SEL1L: variants seen among roughly 807,000 people sequenced by gnomAD.
SEL1L encodes the protein SEL1L adaptor subunit of SYVN1 ubiquitin ligase.
SEL1L carries 52 observed loss-of-function variants against 109.8 expected under a neutral mutation model. The ratio of observed to expected loss-of-function variants is 0.47; its 90% CI spans 0.38 to 0.60. SEL1L has a LOEUF of 0.60. Ranked by LOEUF, SEL1L falls within the 20% of genes least tolerant of loss-of-function variation. SEL1L has a pLI of 0.00. For synonymous variants in SEL1L, 373 were observed against 339.6 expected (o/e 1.10, Z -1.08); for missense variants, 749 against 962.2 (o/e 0.78, Z 2.93).
intron 3 of SEL1L, among the ~76,000 whole-genome samples, chr14:81,510,817 T>G (rs1047929299): frequency 3.9e-5 from 6 of 152,204 alleles, no homozygotes; most frequent in African/African-American, 1.2e-4. Flanking sequence ...AAACAATTAT[T>G]TAATGTTAAA....
intron 14 of SEL1L, chr14:81,488,971 G>A (rs11846666): frequency 0.032 from 13,558 of 423,964 alleles, 1,406 homozygotes; most frequent in African/African-American, 0.24. Flanking sequence ...AGTCCTGAGA[G>A]ATGGTTAGAG....
chr14:81,529,644 A>T (rs1376591496), intron 1 of SEL1L, among the ~76,000 whole-genome samples: 1 of 152,242 alleles, frequency 6.6e-6, no homozygotes, highest in African/African-American at 2.4e-5. Flanking sequence ...TGTGAATTGC[A>T]TCATGCTTCT....
At chr14:81,495,004 G>T in intron 11 of SEL1L, 77 bp downstream of exon 11, 1 of 1,411,490 alleles carries the variant, frequency 7.1e-7, no homozygotes, top group Non-Finnish European at 9.9e-7. Context: ...TACTGGTATT[G>T]ACTTAGCAAG....
intron 1 of SEL1L, among the ~76,000 whole-genome samples, chr14:81,532,213 AG>A (rs1885355120): frequency 6.6e-6 from 1 of 152,244 alleles, no homozygotes; most frequent in Non-Finnish European, 1.5e-5. Context: ...TTAAATTCAG[AG>A]GGATACACAC....
At chr14:81,527,018 C>T (rs1282951881) in intron 2 of SEL1L, 54 bp from the exon 3 acceptor site, 12 of 1,304,936 alleles carry the variant, frequency 9.2e-6, no homozygotes, top group Non-Finnish European at 9.9e-6. Context: ...TTCCCCAACC[C>T]TATTTGACCG....
intron 16 of SEL1L, 107 bp from the exon 17 acceptor site, chr14:81,486,561 A>G (rs993764736): frequency 2.8e-5 from 29 of 1,019,840 alleles, no homozygotes; most frequent in Non-Finnish European, 4.1e-5. Flanking sequence ...TTGCTCCTTC[A>G]ATTTCTGGCA....
At chr14:81,485,194 G>C (rs898393201) in intron 18 of SEL1L, among the ~76,000 whole-genome samples, 1 of 152,144 alleles carries the variant, frequency 6.6e-6, no homozygotes, top group Non-Finnish European at 1.5e-5. Context: ...ACCCAATTTA[G>C]AAACTCTGGC....
intron 6 of SEL1L, among the ~76,000 whole-genome samples, chr14:81,500,063 C>T (rs1883938985): frequency 6.6e-6 from 1 of 151,828 alleles, no homozygotes; most frequent in African/African-American, 2.4e-5. Flanking sequence ...GCGTATGCCA[C>T]CACGCCCAGC....
chr14:81,514,751 C>T lies in SEL1L; in HGVS notation c.341-8510G>A, dbSNP rs1484311629. 2.6e-5 allele frequency among the ~76,000 whole-genome samples: 4 copies of T among 152,130 alleles called. No individual in the cohort carries two copies. In the South Asian group the frequency reaches 8.3e-4, roughly 31 times the overall value. On this transcript the variant is annotated intron_variant, in intron 3 of 20. Coordinates refer to ENST00000336735, the MANE Select transcript of SEL1L (RefSeq NM_005065.6). ...CAGATGGGAAACAGGCATCAATAGG[C>T]TCACCCTTGAAATGCATCCTAAGCC... is the stretch of plus-strand genomic sequence containing the variant.
At chr14:81,514,571 A>G (rs1884622217) in intron 3 of SEL1L, among the ~76,000 whole-genome samples, 1 of 152,172 alleles carries the variant, frequency 6.6e-6, no homozygotes, top group East Asian at 1.9e-4. Context: ...ACTAAATCCA[A>G]TCTTCCTTGG....
Position 81,495,120 on chromosome 14 carries a change from C to T in SEL1L, c.1146G>A (p.Leu382=), listed in dbSNP as rs1412442649. Residue 382 remains leucine, a synonymous_variant, in exon 11 of 21, where the codon CTG becomes CTA. Transcript: ENST00000336735. The part of the protein sequence containing the change: ...DVQAQVGLGQ[L]HLHGGRGVEQ... ...CTACTCCACGCCCTCCGTGCAGGTG[C>T]AGTTGTCCAAGACCAACCTGAAAAT... 6.2e-7 allele frequency: 1 copy of T among 1,613,974 alleles called. No individual in the cohort carries two copies. The highest frequency in any genetic ancestry group is 1.3e-5 in the African/African-American group (1 of 74,922).
rs35474067 is a variant in SEL1L, at chr14:81,510,514, C to CTCTCTCTA, written c.341-4274_341-4273insTAGAGAGA. The stretch of plus-strand genomic sequence containing the variant: ...TCTCTCTCTCTCTCTCTCTCTCTCT[C>CTCTCTCTA]TATATATATATATATAGACAATTAA... On this transcript the variant is annotated intron_variant, in intron 3 of 20. Transcript: ENST00000336735. Among the ~76,000 whole-genome samples the CTCTCTCTA allele has an allele frequency of 1.4e-3, 147 of 104,060 alleles. 3 individuals carry two copies. The highest frequency in any genetic ancestry group is 5.9e-3 in the East Asian group (19 of 3,222). 68.3% of individuals were successfully genotyped at this position (104,060 alleles called of 152,430 possible).
Position 81,476,911 on chromosome 14 carries a change from C to G in SEL1L, c.*61G>C. The G allele has an allele frequency of 6.4e-7, 1 of 1,553,442 alleles. No homozygotes were observed. On this transcript the variant is annotated 3_prime_UTR_variant, in exon 21 of 21. Coordinates refer to ENST00000336735, the MANE Select transcript of SEL1L (RefSeq NM_005065.6). Reference sequence around the variant, plus strand: ...CTGATCCAAGGTCCTAAATCAAATGCAAGTGTTCCCAGCAGATAACTTCCT... The same window carrying G: ...CTGATCCAAGGTCCTAAATCAAATGGAAGTGTTCCCAGCAGATAACTTCCT...
intron 10 of SEL1L, among the ~76,000 whole-genome samples, chr14:81,496,248 T>C (rs1883743205): frequency 1.3e-5 from 2 of 151,552 alleles, no homozygotes; most frequent in African/African-American, 4.9e-5. Flanking sequence ...GGCATGAACC[T>C]GGGAGGCGGG....
intron 2 of SEL1L, among the ~76,000 whole-genome samples, chr14:81,527,365 T>A (rs1885152447): frequency 6.6e-6 from 1 of 151,794 alleles, no homozygotes; most frequent in Admixed American, 6.6e-5. Context: ...AACCAATAAG[T>A]GCATTAGCTC....
chr14:81,478,254 T>C (rs1410075220), intron 20 of SEL1L, among the ~76,000 whole-genome samples: 4 of 152,152 alleles, frequency 2.6e-5, no homozygotes. Context: ...AAACCACTAA[T>C]TGTGTTCTCT....
intron 3 of SEL1L, among the ~76,000 whole-genome samples, chr14:81,507,072 T>G (rs1595522558): frequency 6.6e-6 from 1 of 152,058 alleles, no homozygotes; most frequent in African/African-American, 2.4e-5. Flanking sequence ...TCAAACAGAT[T>G]GGTGCTAAGG....
At chr14:81,483,974 G>A (rs958518245) in intron 19 of SEL1L, among the ~76,000 whole-genome samples, 1 of 152,170 alleles carries the variant, frequency 6.6e-6, no homozygotes, top group Non-Finnish European at 1.5e-5. Flanking sequence ...AGCAGAGGAA[G>A]CACTGCACTT....
intron 10 of SEL1L, among the ~76,000 whole-genome samples, chr14:81,497,114 CAAT>C (rs962336161): frequency 5.3e-5 from 8 of 152,124 alleles, no homozygotes; most frequent in Admixed American, 2.6e-4. Context: ...CTAAATTTTA[CAAT>C]AATGTAAAAA....
Sources: gnomAD v4.1 joint callset for allele counts (sites outside exome capture counted in the v4.1 genomes callset) on GRCh38, gnomAD v4.1.1 for gene constraint, MANE v1.5 for transcripts, NCBI Gene and HGNC (gene_info 2026-07-23, HGNC 2026-07-21) for gene names.